RARB: variants seen among roughly 807,000 people sequenced by gnomAD.
The protein encoded by RARB is retinoic acid receptor beta, also known as HBV-activated protein.
RARB carries 17 observed loss-of-function variants against 51.9 expected under a neutral mutation model. That is an observed-to-expected ratio of 0.33 (90% CI 0.22 to 0.49). The LOEUF (loss-of-function observed/expected upper bound fraction) is 0.49. Among genes scored for constraint, RARB ranks in the 20% least tolerant of loss-of-function variants. The probability of loss-of-function intolerance (pLI) is 0.99; values close to 1 mark genes in which losing one functional copy is unlikely to be tolerated. For missense variants in RARB, 369 were observed against 550.8 expected, an observed-to-expected ratio of 0.67 and a Z score of 3.30; for synonymous variants, 215 against 195.4, an observed-to-expected ratio of 1.10 and a Z score of -0.84.
chr3:25,188,937 G>A (rs1701037916), intron 5 of RARB, among the ~76,000 whole-genome samples: 2 of 152,118 alleles, frequency 1.3e-5, no homozygotes, highest in South Asian at 4.1e-4. Context: ...CCCATTTGAG[G>A]CCAGTGCATT....
chr3:25,138,341 T>G (rs1463213725), intron 4 of RARB, among the ~76,000 whole-genome samples: 1 of 151,968 alleles, frequency 6.6e-6, no homozygotes, highest in Non-Finnish European at 1.5e-5. Flanking sequence ...TTGAGTTTTT[T>G]TTTTTTTTTG....
At position 25,564,211 on chromosome 3, in the gene RARB, A is replaced by ATT. The variant is rs150805642; in HGVS notation, c.449-5545_449-5544dup. Among the ~76,000 whole-genome samples, 611 of 152,330 alleles carry ATT rather than the reference A, an allele frequency of 4.0e-3. 3 individuals carry two copies. Among genetic ancestry groups the ATT allele is most frequent in the African/African-American group, 0.014 (582 of 41,566 alleles). ...AGGTCGAGATCCGTACATCAGAGGT[A>ATT]TTTGTATAAGTGACACTTTTATTAC... On this transcript the variant is annotated intron_variant, in intron 3 of 7. Coordinates refer to ENST00000330688, the MANE Select transcript of RARB (RefSeq NM_000965.5).
intron 5 of RARB, among the ~76,000 whole-genome samples, chr3:25,408,261 G>A (rs1157797865): frequency 2.0e-5 from 3 of 152,028 alleles, no homozygotes; most frequent in Admixed American, 2.0e-4. Flanking sequence ...CCTGAGACTG[G>A]GTAATTTATA....
intron 3 of RARB, among the ~76,000 whole-genome samples, chr3:25,509,068 T>C (rs1228348571): frequency 6.6e-6 from 1 of 152,044 alleles, no homozygotes; most frequent in Non-Finnish European, 1.5e-5. Flanking sequence ...CAGTACATTC[T>C]CACCTTAGAA....
At chr3:25,457,682 G>T (rs551639909) in intron 1 of RARB, among the ~76,000 whole-genome samples, 1 of 152,120 alleles carries the variant, frequency 6.6e-6, no homozygotes, top group South Asian at 2.1e-4. Context: ...TCCTTTCTTT[G>T]GGAAGGTGAA....
Position 25,490,797 on chromosome 3 carries a change from CTA to C in RARB, c.307-10383_307-10382del, listed in dbSNP as rs1440319363. ...AGTAATCCTGATAATAGATCGGTAA[CTA>C]TGGATTTCACCAAGGAAGGGCACAA... On this transcript the variant is annotated intron_variant, in intron 2 of 7. Coordinates refer to ENST00000330688, the MANE Select transcript of RARB (RefSeq NM_000965.5). Among the ~76,000 whole-genome samples, 8 of 152,076 alleles carry C rather than the reference CTA, an allele frequency of 5.3e-5. No individual in the cohort carries two copies. The East Asian group carries it at 1.2e-3, about 22-fold the overall frequency.
intron 4 of RARB, among the ~76,000 whole-genome samples, chr3:25,135,396 C>G (rs1700016898): frequency 6.6e-6 from 1 of 151,784 alleles, no homozygotes; most frequent in African/African-American, 2.4e-5. Flanking sequence ...TAGAAATAAC[C>G]CCATTTACCT....
At chr3:24,863,334 G>T (rs1000766284) in intron 2 of RARB, among the ~76,000 whole-genome samples, 3 of 152,186 alleles carry the variant, frequency 2.0e-5, no homozygotes, top group African/African-American at 2.4e-5. Flanking sequence ...ATGTGAGCTT[G>T]GTGATGACAA....
intron 3 of RARB, among the ~76,000 whole-genome samples, chr3:25,533,877 T>A (rs1398037966): frequency 6.6e-6 from 1 of 152,238 alleles, no homozygotes; most frequent in Non-Finnish European, 1.5e-5. Flanking sequence ...AACACTTCAA[T>A]GCTTTGAATA....
chr3:25,508,333 C>G (rs966164538), intron 3 of RARB, among the ~76,000 whole-genome samples: 1 of 152,202 alleles, frequency 6.6e-6, no homozygotes, highest in African/African-American at 2.4e-5. Context: ...TTTGTATGGA[C>G]ACTTAGATAC....
At chr3:24,987,733 T>A (rs975943480) in intron 2 of RARB, among the ~76,000 whole-genome samples, 4 of 152,168 alleles carry the variant, frequency 2.6e-5, no homozygotes, top group African/African-American at 9.7e-5. Context: ...AATGGGCAAG[T>A]TGAAAATAAG....
chr3:25,251,669 A>G (rs1234342582), intron 5 of RARB, among the ~76,000 whole-genome samples: 1 of 152,158 alleles, frequency 6.6e-6, no homozygotes, highest in Non-Finnish European at 1.5e-5. Flanking sequence ...CTCTTGAGAA[A>G]AGTCTATTCA....
rs112422143 is a variant in RARB, at chr3:24,896,345, T to C, written c.-380+37593T>C. On this transcript the variant is annotated intron_variant, in intron 2 of 11. Coordinates refer to the RARB transcript ENST00000383772. ...CGTGATCTCGGCTCACTGCAACCTC[T>C]GTCTTCCAGGTTCAAGCGATCCTCC... Among the ~76,000 whole-genome samples, 442 of 152,220 alleles carry C rather than the reference T, an allele frequency of 2.9e-3. 1 individual carries two copies. The highest frequency in any genetic ancestry group is 5.1e-3 in the Non-Finnish European group (344 of 67,990).
chr3:25,270,311 T>G (rs997278675), intron 5 of RARB, among the ~76,000 whole-genome samples: 5 of 152,116 alleles, frequency 3.3e-5, no homozygotes, highest in Non-Finnish European at 4.4e-5. Context: ...TAAAAAGGAA[T>G]GAAATTCAGC....
intron 3 of RARB, among the ~76,000 whole-genome samples, chr3:25,556,456 A>G (rs1171982765): frequency 1.3e-5 from 2 of 152,210 alleles, no homozygotes; most frequent in Admixed American, 1.3e-4. Flanking sequence ...GCCAAGTAGA[A>G]AAATTTTCTA....
intron 2 of RARB, among the ~76,000 whole-genome samples, chr3:25,038,151 G>C: frequency 6.6e-6 from 1 of 152,144 alleles, no homozygotes; most frequent in East Asian, 1.9e-4. Context: ...GTCTGTAAGT[G>C]AAGGCAAGTC....
At chr3:25,141,323 T>C (rs548693640) in intron 4 of RARB, among the ~76,000 whole-genome samples, 1 of 152,204 alleles carries the variant, frequency 6.6e-6, no homozygotes, top group East Asian at 1.9e-4. Context: ...ATAAGGATGG[T>C]ACAAATAGAA....
At chr3:24,849,877 A>C (rs1032389928) in intron 1 of RARB, among the ~76,000 whole-genome samples, 1 of 152,224 alleles carries the variant, frequency 6.6e-6, no homozygotes. Context: ...AGCTAAGAAT[A>C]ACTTCTCAGT....
chr3:25,091,762 C>T (rs1699203623), intron 3 of RARB, among the ~76,000 whole-genome samples: 1 of 152,118 alleles, frequency 6.6e-6, no homozygotes, highest in Admixed American at 6.6e-5. Context: ...CAAAAAATAT[C>T]TATTGTTGCT....
Sources: gnomAD v4.1 joint callset for allele counts (sites outside exome capture counted in the v4.1 genomes callset) on GRCh38, gnomAD v4.1.1 for gene constraint, MANE v1.5 for transcripts, NCBI Gene and HGNC (gene_info 2026-07-23, HGNC 2026-07-21) for gene names.